KIAA1217: variants seen among roughly 807,000 people sequenced by gnomAD.
KIAA1217 encodes the protein KIAA1217, also known as sickle tail protein homolog.
Under a neutral mutation model 163.9 loss-of-function variants are expected in KIAA1217, and 88 were observed. That is an observed-to-expected ratio of 0.54 (90% CI 0.45 to 0.64). KIAA1217 has a LOEUF of 0.64. Among genes scored for constraint, KIAA1217 ranks in the 30% least tolerant of loss-of-function variants. KIAA1217 has a pLI of 0.00. For missense variants in KIAA1217, 2,372 were observed against 2,475.0 expected, an observed-to-expected ratio of 0.96 and a Z score of 0.88; for synonymous variants, 903 against 923.1, an observed-to-expected ratio of 0.98 and a Z score of 0.39.
At chr10:24,330,986 C>T (rs1456677249) in intron 2 of KIAA1217, among the ~76,000 whole-genome samples, 1 of 151,364 alleles carries the variant, frequency 6.6e-6, no homozygotes. Context: ...CTGTGTTGCC[C>T]AGGCTGGAGT....
chr10:23,992,986 T>TGCA (rs1212191600), intron 1 of KIAA1217, among the ~76,000 whole-genome samples: 82 of 151,590 alleles, frequency 5.4e-4, no homozygotes, highest in African/African-American at 2.0e-3. Context: ...AAGAGCCACT[T>TGCA]GCAGTCACTT....
In KIAA1217 at chr10:24,536,849, A is replaced by G; in HGVS notation, c.3490A>G (p.Lys1164Glu). 2 of 1,614,094 alleles carry G rather than the reference A, an allele frequency of 1.2e-6. No homozygotes were observed. Among genetic ancestry groups the G allele is most frequent in the Non-Finnish European group, 1.7e-6 (2 of 1,179,998 alleles). ...GCCATCCCGGGCTGACAGTCACGTT[A>G]AAGACACTAGGTCGGGCGCCACAGT... ...AEPSRADSHVKDTRSGATVPP... is the reference protein window; with the variant it reads ...AEPSRADSHVEDTRSGATVPP... Residue 1164 changes from lysine (K) to glutamate (E), a missense_variant, in exon 17 of 21, where the codon AAA becomes GAA. Physicochemically the swap from Lys to Glu is moderately conservative, Grantham distance 56. Transcript: ENST00000376454.
At chr10:24,268,129 A>G (rs1240137613) in intron 2 of KIAA1217, among the ~76,000 whole-genome samples, 1 of 152,220 alleles carries the variant, frequency 6.6e-6, no homozygotes, top group Non-Finnish European at 1.5e-5. Context: ...GTGAATGGCA[A>G]AGGAATCAGA....
At chr10:24,399,695 G>A (rs2056291734) in intron 3 of KIAA1217, among the ~76,000 whole-genome samples, 1 of 152,264 alleles carries the variant, frequency 6.6e-6, no homozygotes. Flanking sequence ...GTTGAATGTG[G>A]ATAATGCTTC....
rs183370643 is a variant in KIAA1217, at chr10:23,756,162, T to C, written c.-321+60928T>C. On this transcript the variant is annotated intron_variant, in intron 1 of 18. Coordinates refer to the KIAA1217 transcript ENST00000376462. Reference sequence around the variant, plus strand: ...TTTTTTAGTAGAGCTGAGGTCTCACTATGTTGCCCAAGCTGTTCTCAAACT... The same window carrying C: ...TTTTTTAGTAGAGCTGAGGTCTCACCATGTTGCCCAAGCTGTTCTCAAACT... Among the ~76,000 whole-genome samples, 687 of 151,152 alleles carry C rather than the reference T, an allele frequency of 4.5e-3. 1 individual carries two copies. Among genetic ancestry groups the C allele is most frequent in the African/African-American group, 0.015 (614 of 41,156 alleles).
chr10:23,956,817 C>T (rs1225382545), intron 1 of KIAA1217, among the ~76,000 whole-genome samples: 1 of 152,078 alleles, frequency 6.6e-6, no homozygotes, highest in Non-Finnish European at 1.5e-5. Flanking sequence ...AACCAGCTCT[C>T]CCATGAACTC....
At chr10:24,512,827 C>T (rs886739946) in intron 9 of KIAA1217, among the ~76,000 whole-genome samples, 2 of 152,174 alleles carry the variant, frequency 1.3e-5, no homozygotes, top group African/African-American at 4.8e-5. Flanking sequence ...AGTGGATTCC[C>T]CATCATTAGA....
chr10:24,110,026 G>A (rs1337483454), intron 2 of KIAA1217, among the ~76,000 whole-genome samples: 2 of 152,206 alleles, frequency 1.3e-5, no homozygotes, highest in Non-Finnish European at 2.9e-5. Flanking sequence ...ACTATGCGTA[G>A]CTGATGTTGT....
At chr10:24,375,246 G>A (rs2052316717) in intron 2 of KIAA1217, among the ~76,000 whole-genome samples, 1 of 152,128 alleles carries the variant, frequency 6.6e-6, no homozygotes, top group Non-Finnish European at 1.5e-5. Context: ...AGGTGTGCCC[G>A]ATGGAGCTCC....
chr10:24,271,069 T>C (rs1205428815), intron 2 of KIAA1217, among the ~76,000 whole-genome samples: 3 of 152,216 alleles, frequency 2.0e-5, no homozygotes, highest in African/African-American at 7.2e-5. Context: ...AAAAAGCATA[T>C]TCTTAATTTG....
chr10:24,098,116 T>C (rs2062235915), intron 2 of KIAA1217, among the ~76,000 whole-genome samples: 5 of 152,026 alleles, frequency 3.3e-5, no homozygotes, highest in Admixed American at 2.6e-4. Flanking sequence ...CTGATGACCT[T>C]TGGTTTTCTG....
At chr10:23,707,031 A>G (rs1836932063) in intron 1 of KIAA1217, among the ~76,000 whole-genome samples, 1 of 152,186 alleles carries the variant, frequency 6.6e-6, no homozygotes, top group South Asian at 2.1e-4. Context: ...ATATTTATTG[A>G]TCACCAGCTG....
chr10:24,500,309 T>A (rs887410639), intron 8 of KIAA1217, among the ~76,000 whole-genome samples: 2 of 150,130 alleles, frequency 1.3e-5, no homozygotes, highest in Non-Finnish European at 3.0e-5. Context: ...ATCCAGCCTT[T>A]ACTCCAGAAC....
intron 1 of KIAA1217, among the ~76,000 whole-genome samples, chr10:23,826,664 T>A (rs1837914597): frequency 6.6e-6 from 1 of 152,160 alleles, no homozygotes; most frequent in Admixed American, 6.5e-5. Context: ...GTCCCTTCCA[T>A]GCTGGGAACA....
chr10:23,898,469 C>T (rs185218914), intron 1 of KIAA1217, among the ~76,000 whole-genome samples: 1 of 152,052 alleles, frequency 6.6e-6, no homozygotes, highest in African/African-American at 2.4e-5. Flanking sequence ...ATTATAACTT[C>T]ACCATAAATA....
At chr10:24,347,670 A>G (rs2047958338) in intron 2 of KIAA1217, among the ~76,000 whole-genome samples, 1 of 152,194 alleles carries the variant, frequency 6.6e-6, no homozygotes. Context: ...ACTAGGATAA[A>G]AAAGGGAGTA....
chr10:24,088,125 T>C lies in KIAA1217; in HGVS notation c.-171+80751T>C, dbSNP rs974587752. 1.5e-4 allele frequency among the ~76,000 whole-genome samples: 19 copies of C among 122,930 alleles called. 4 individuals carry two copies. Among genetic ancestry groups the C allele is most frequent in the Non-Finnish European group, 2.2e-4 (11 of 49,648 alleles). 80.6% of individuals were successfully genotyped at this position (122,930 alleles called of 152,430 possible). A position where few individuals can be genotyped will look rare whatever the true frequency, so the allele number is the denominator to read the frequency against. On this transcript the variant is annotated intron_variant, in intron 2 of 18. Transcript: ENST00000376462. ...CTCTAAGGGTTATGTAGATAATGAG[T>C]TCTTTTTTCATGCAGAAGAAGCTAA...
intron 2 of KIAA1217, among the ~76,000 whole-genome samples, chr10:24,326,126 T>C (rs957255598): frequency 6.6e-6 from 1 of 152,200 alleles, no homozygotes; most frequent in African/African-American, 2.4e-5. Context: ...GTAAAAGAAC[T>C]TTACTTCATT....
chr10:23,835,141 C>G (rs1838386456), intron 1 of KIAA1217, among the ~76,000 whole-genome samples: 1 of 151,736 alleles, frequency 6.6e-6, no homozygotes, highest in African/African-American at 2.4e-5. Context: ...CTGAGTTATG[C>G]CTAGATTTAG....
Sources: gnomAD v4.1 joint callset for allele counts (sites outside exome capture counted in the v4.1 genomes callset) on GRCh38, gnomAD v4.1.1 for gene constraint, MANE v1.5 for transcripts, NCBI Gene and HGNC (gene_info 2026-07-23, HGNC 2026-07-21) for gene names.